Variants in KIAA0825 observed in about 807,000 individuals in gnomAD.
The protein encoded by KIAA0825 is uncharacterized protein KIAA0825.
A neutral mutation model predicts 147.6 loss-of-function variants in KIAA0825; 119 were observed. The observed-to-expected ratio is 0.81, with a 90% CI of 0.69 to 0.94. The LOEUF is 0.94. KIAA0825 is among the 40% of genes least tolerant of loss of function. The pLI is 0.00. For missense variants in KIAA0825, 1,381 were observed against 1,472.7 expected, an observed-to-expected ratio of 0.94 and a Z score of 1.02; for synonymous variants, 470 against 518.1, an observed-to-expected ratio of 0.91 and a Z score of 1.26.
At chr5:94,511,755 AG>A (rs1181760460) in intron 5 of KIAA0825, among the ~76,000 whole-genome samples, 2 of 152,212 alleles carry the variant, frequency 1.3e-5, no homozygotes, top group Non-Finnish European at 2.9e-5. Flanking sequence ...TGGGAGGCCA[AG>A]GCAAGTGGAT....
chr5:94,175,040 T>C (rs906986676), intron 20 of KIAA0825, among the ~76,000 whole-genome samples: 1 of 152,182 alleles, frequency 6.6e-6, no homozygotes, highest in Non-Finnish European at 1.5e-5. Context: ...TTTCTAGCCC[T>C]TCTTTATGAG....
chr5:94,294,482 C>T (rs1014869145), intron 20 of KIAA0825, among the ~76,000 whole-genome samples: 1 of 152,138 alleles, frequency 6.6e-6, no homozygotes, highest in Non-Finnish European at 1.5e-5. Context: ...AATCCCAGCA[C>T]TTTGGGAGGC....
chr5:94,425,481 A>G (rs1421544694), intron 14 of KIAA0825, among the ~76,000 whole-genome samples: 1 of 152,112 alleles, frequency 6.6e-6, no homozygotes, highest in Admixed American at 6.6e-5. Flanking sequence ...GCTCATGTCT[A>G]TAATGCCAAA....
intron 5 of KIAA0825, among the ~76,000 whole-genome samples, chr5:94,515,317 A>G (rs1767049900): frequency 6.6e-6 from 1 of 152,212 alleles, no homozygotes; most frequent in Non-Finnish European, 1.5e-5. Context: ...TGAAACGTAG[A>G]TGATATGTGT....
At chr5:94,293,853 T>C (rs1473733794) in intron 20 of KIAA0825, among the ~76,000 whole-genome samples, 1 of 152,252 alleles carries the variant, frequency 6.6e-6, no homozygotes, top group Non-Finnish European at 1.5e-5. Flanking sequence ...TTGATCCTTT[T>C]ACCATTATGT....
chr5:94,583,693 C>T lies in KIAA0825; in HGVS notation c.-152-1110G>A, dbSNP rs139231660. Among the ~76,000 whole-genome samples the T allele has an allele frequency of 2.5e-3, 381 of 152,300 alleles. 1 individual carries two copies. Among genetic ancestry groups the T allele is most frequent in the Middle Eastern group, 0.014 (4 of 294 alleles). On this transcript the variant is annotated intron_variant, in intron 1 of 20. Coordinates refer to ENST00000682413, the MANE Select transcript of KIAA0825 (RefSeq NM_001145678.3). The stretch of plus-strand genomic sequence containing the variant: ...ACAGTGGTTCTCCCAGCATGGTGTT[C>T]GAGCTCCAATAATGGACAGACTGCC...
intron 9 of KIAA0825, 23 bp downstream of exon 9, chr5:94,471,443 A>T (rs969238994): frequency 1.9e-6 from 3 of 1,546,976 alleles, no homozygotes; most frequent in Non-Finnish European, 2.6e-6. Context: ...CGTGGCCATC[A>T]TCTTAATTTA....
chr5:94,210,542 C>A (rs1286042145), intron 20 of KIAA0825, among the ~76,000 whole-genome samples: 1 of 152,086 alleles, frequency 6.6e-6, no homozygotes, highest in African/African-American at 2.4e-5. Context: ...GCTCTGCAAG[C>A]TATATTTGCA....
intron 16 of KIAA0825, among the ~76,000 whole-genome samples, chr5:94,398,060 C>A (rs991357713): frequency 6.6e-6 from 1 of 151,374 alleles, no homozygotes; most frequent in Non-Finnish European, 1.5e-5. Flanking sequence ...ATACCTAATC[C>A]GTGATCAGCA....
At chr5:94,420,932 A>AT (rs11461947) in intron 14 of KIAA0825, among the ~76,000 whole-genome samples, 41,865 of 151,758 alleles carry the variant, frequency 0.28, 6,049 homozygotes, top group Middle Eastern at 0.33. Flanking sequence ...AAGTTCAAAG[A>AT]TTTTTTTCTC....
At chr5:94,436,966 T>A (rs1166767241) in intron 14 of KIAA0825, among the ~76,000 whole-genome samples, 1 of 152,160 alleles carries the variant, frequency 6.6e-6, no homozygotes, top group Non-Finnish European at 1.5e-5. Context: ...ACACATTGAT[T>A]TTGTATCCTA....
At chr5:94,409,473 G>A (rs1752486877) in intron 15 of KIAA0825, among the ~76,000 whole-genome samples, 1 of 152,160 alleles carries the variant, frequency 6.6e-6, no homozygotes, top group African/African-American at 2.4e-5. Flanking sequence ...AGTCAGAGGA[G>A]GATGAGGCAG....
intron 5 of KIAA0825, among the ~76,000 whole-genome samples, chr5:94,502,870 A>T (rs1765246402): frequency 6.6e-6 from 1 of 151,978 alleles, no homozygotes; most frequent in Admixed American, 6.6e-5. Context: ...GCATTTTGGG[A>T]GGCCAAGGTG....
chr5:94,210,186 G>A (rs1284296998), intron 20 of KIAA0825, among the ~76,000 whole-genome samples: 3 of 152,138 alleles, frequency 2.0e-5, no homozygotes, highest in Non-Finnish European at 2.9e-5. Context: ...ACGTAGGGAA[G>A]GCAAATTAAT....
chr5:94,299,352 G>T (rs1214714845), intron 20 of KIAA0825, among the ~76,000 whole-genome samples: 4 of 151,504 alleles, frequency 2.6e-5, no homozygotes, highest in African/African-American at 9.7e-5. Context: ...GAGTAGCTGG[G>T]AATACAGGTG....
At chr5:94,476,189 G>T (rs970011776) in intron 7 of KIAA0825, among the ~76,000 whole-genome samples, 2 of 152,126 alleles carry the variant, frequency 1.3e-5, no homozygotes, top group South Asian at 2.1e-4. Context: ...TTTACCTAGT[G>T]TATCAGTCAG....
intron 12 of KIAA0825, among the ~76,000 whole-genome samples, chr5:94,454,476 T>C (rs1207368835): frequency 6.6e-6 from 1 of 152,184 alleles, no homozygotes; most frequent in Non-Finnish European, 1.5e-5. Flanking sequence ...TAATATATCA[T>C]CTCTTCTTTA....
intron 20 of KIAA0825, among the ~76,000 whole-genome samples, chr5:94,247,726 C>T (rs1352024352): frequency 6.6e-6 from 1 of 152,084 alleles, no homozygotes; most frequent in Non-Finnish European, 1.5e-5. Flanking sequence ...GAAGAAAATA[C>T]AGATTAAAAT....
chr5:94,386,206 C>A, intron 19 of KIAA0825, 36 bp downstream of exon 19: 1 of 1,513,804 alleles, frequency 6.6e-7, no homozygotes. Context: ...GTAAAGAAAC[C>A]ACACATTTAA....
Sources: gnomAD v4.1 joint callset for allele counts (sites outside exome capture counted in the v4.1 genomes callset) on GRCh38, gnomAD v4.1.1 for gene constraint, MANE v1.5 for transcripts, NCBI Gene and HGNC (gene_info 2026-07-23, HGNC 2026-07-21) for gene names.